Variants in STAU2 observed in about 807,000 individuals in gnomAD.
The protein encoded by STAU2 is staufen double-stranded RNA binding protein 2, also known as double-stranded RNA-binding protein Staufen homolog 2.
STAU2 carries 20 observed loss-of-function variants against 65.9 expected under a neutral mutation model. The observed-to-expected ratio is 0.30, with a 90% confidence interval of 0.21 to 0.44. The LOEUF is 0.44. Among genes scored for constraint, STAU2 ranks in the 20% least tolerant of loss-of-function variants. The probability of loss-of-function intolerance (pLI) is 1.00; values close to 1 mark genes in which losing one functional copy is unlikely to be tolerated. For synonymous variants in STAU2, 232 were observed against 233.9 expected, an observed-to-expected ratio of 0.99 and a Z score of 0.07; for missense variants, 558 against 683.9, an observed-to-expected ratio of 0.82 and a Z score of 2.05.
chr8:73,695,280 A>G (rs1819623681), intron 4 of STAU2, among the ~76,000 whole-genome samples: 1 of 152,220 alleles, frequency 6.6e-6, no homozygotes. Flanking sequence ...CTAAGCCACC[A>G]TAGGATAAGG....
At chr8:73,742,636 G>T (rs541984289) in intron 1 of STAU2, among the ~76,000 whole-genome samples, 1 of 151,646 alleles carries the variant, frequency 6.6e-6, no homozygotes, top group East Asian at 1.9e-4. Flanking sequence ...ATGTATCCAT[G>T]CGTCCCAAAA....
intron 13 of STAU2, among the ~76,000 whole-genome samples, chr8:73,428,416 T>C (rs181973852): frequency 7.9e-5 from 12 of 152,144 alleles, no homozygotes; most frequent in African/African-American, 2.9e-4. Flanking sequence ...GTGAATACTG[T>C]TGCAATAAAC....
intron 6 of STAU2, among the ~76,000 whole-genome samples, chr8:73,663,979 A>G (rs897024275): frequency 1.3e-5 from 2 of 152,148 alleles, no homozygotes; most frequent in East Asian, 1.9e-4. Context: ...AGATAGTTTT[A>G]TATCTCCTAT....
At chr8:73,651,167 C>G in intron 6 of STAU2, 2 of 1,179,426 alleles carry the variant, frequency 1.7e-6, no homozygotes, top group Non-Finnish European at 2.4e-6. Flanking sequence ...GACCAGGCAT[C>G]GGGCCCCGAG....
rs532151863 is a variant in STAU2, at chr8:73,719,794, G to A, written c.-17-10632C>T. On this transcript the variant is annotated intron_variant, in intron 3 of 14. Coordinates refer to ENST00000524300, the MANE Select transcript of STAU2 (RefSeq NM_001164380.2). ...TAATTTCCTTAAAATGTATTTGTCTGATTCTGGTATCCCAGTAATGCTGGC... is the reference window on the plus strand; with the variant it reads ...TAATTTCCTTAAAATGTATTTGTCTAATTCTGGTATCCCAGTAATGCTGGC... 8.7e-4 allele frequency among the ~76,000 whole-genome samples: 133 copies of A among 152,260 alleles called. 1 individual carries two copies. The highest frequency in any genetic ancestry group is 3.4e-3 in the Middle Eastern group (1 of 294).
chr8:73,617,510 C>T, intron 6 of STAU2, 59 bp from the exon 7 acceptor site: 1 of 1,499,750 alleles, frequency 6.7e-7, no homozygotes, highest in Non-Finnish European at 9.1e-7. Flanking sequence ...TATAATCATT[C>T]ATAAGATTTG....
intron 11 of STAU2, among the ~76,000 whole-genome samples, chr8:73,583,576 T>C (rs116478220): frequency 6.6e-5 from 10 of 152,158 alleles, no homozygotes; most frequent in African/African-American, 2.4e-4. Flanking sequence ...TAGACAAAAA[T>C]GTTACTATGT....
At chr8:73,472,398 C>G (rs1303402582) in intron 13 of STAU2, among the ~76,000 whole-genome samples, 1 of 152,110 alleles carries the variant, frequency 6.6e-6, no homozygotes. Context: ...CCCACATACA[C>G]CAGGCCAAAG....
intron 12 of STAU2, among the ~76,000 whole-genome samples, chr8:73,553,180 A>G (rs1807461707): frequency 6.6e-6 from 1 of 152,174 alleles, no homozygotes; most frequent in Non-Finnish European, 1.5e-5. Context: ...CACATTTCAA[A>G]CTGCTTATTC....
intron 12 of STAU2, among the ~76,000 whole-genome samples, chr8:73,563,271 T>A (rs1000696878): frequency 2.6e-5 from 4 of 152,066 alleles, no homozygotes; most frequent in African/African-American, 9.7e-5. Context: ...TCAGTGGAGA[T>A]CATGTAGGGA....
At chr8:73,675,273 C>T (rs535361431) in intron 5 of STAU2, among the ~76,000 whole-genome samples, 1 of 151,706 alleles carries the variant, frequency 6.6e-6, no homozygotes, top group South Asian at 2.1e-4. Flanking sequence ...TTATCAAAAC[C>T]TCTGGGATAC....
At chr8:73,532,522 A>C (rs2128933763) in intron 13 of STAU2, among the ~76,000 whole-genome samples, 1 of 152,224 alleles carries the variant, frequency 6.6e-6, no homozygotes, top group East Asian at 1.9e-4. Context: ...CCCCATCTCT[A>C]CAAAAAAAAT....
chr8:73,436,310 G>A (rs1817674634), intron 13 of STAU2, among the ~76,000 whole-genome samples: 1 of 151,744 alleles, frequency 6.6e-6, no homozygotes, highest in Non-Finnish European at 1.5e-5. Flanking sequence ...CAGTGAGCCT[G>A]ACGTTTTTCT....
chr8:73,523,862 T>C (rs1247044179), intron 13 of STAU2, among the ~76,000 whole-genome samples: 1 of 152,100 alleles, frequency 6.6e-6, no homozygotes, highest in African/African-American at 2.4e-5. Flanking sequence ...GGAGGTGTGA[T>C]GGGAAGCCAC....
intron 3 of STAU2, among the ~76,000 whole-genome samples, chr8:73,724,928 T>A (rs958245876): frequency 6.6e-6 from 1 of 152,170 alleles, no homozygotes; most frequent in African/African-American, 2.4e-5. Flanking sequence ...GTTCAAATTA[T>A]CTGCCAGCCT....
chr8:73,502,641 C>A (rs900583808), intron 13 of STAU2, among the ~76,000 whole-genome samples: 2 of 152,024 alleles, frequency 1.3e-5, no homozygotes, highest in Non-Finnish European at 2.9e-5. Flanking sequence ...TCTGGTTCAT[C>A]CTTCAAAGGT....
chr8:73,583,215 C>T (rs1246621290), intron 11 of STAU2, among the ~76,000 whole-genome samples: 1 of 150,610 alleles, frequency 6.6e-6, no homozygotes, highest in South Asian at 2.1e-4. Flanking sequence ...GGCTTGGTCT[C>T]AGCTCATCGC....
intron 3 of STAU2, chr8:73,732,443 G>A (rs957449664): frequency 1.4e-4 from 22 of 152,104 alleles, no homozygotes; most frequent in East Asian, 1.2e-3. Flanking sequence ...TCGGGATGCC[G>A]GGATCATTGG....
intron 11 of STAU2, among the ~76,000 whole-genome samples, chr8:73,587,406 A>C (rs1017767041): frequency 4.6e-5 from 7 of 152,252 alleles, no homozygotes; most frequent in African/African-American, 1.7e-4. Context: ...TCAACAAAGG[A>C]CAGAGGCCAG....
Sources: gnomAD v4.1 joint callset for allele counts (sites outside exome capture counted in the v4.1 genomes callset) on GRCh38, gnomAD v4.1.1 for gene constraint, MANE v1.5 for transcripts, NCBI Gene and HGNC (gene_info 2026-07-23, HGNC 2026-07-21) for gene names.